Variants in IGSF10 observed in about 807,000 individuals in gnomAD.
IGSF10 encodes calvaria mechanical force protein 608.
In IGSF10, 126 loss-of-function variants were observed where a neutral mutation model predicts 128.2. That is an observed-to-expected ratio of 0.98 (90% CI 0.85 to 1.14). The LOEUF (loss-of-function observed/expected upper bound fraction) is 1.14, where lower values mean the gene tolerates loss of function less well. IGSF10 is among the 50% of genes most tolerant of loss of function. The pLI, the probability that IGSF10 is intolerant of heterozygous loss-of-function variation, is 0.00. For missense variants in IGSF10, 3,295 were observed against 3,149.8 expected, an observed-to-expected ratio of 1.05 and a Z score of -1.10; for synonymous variants, 1,185 against 1,146.2, an observed-to-expected ratio of 1.03 and a Z score of -0.68.
chr3:151,546,489 A>G, the IGSF10 span, among the ~76,000 whole-genome samples: 1 of 150,368 alleles, frequency 6.7e-6, no homozygotes, highest in Admixed American at 6.6e-5. Context: ...CTGGGAGTAC[A>G]GGTGTCCACA....
the IGSF10 span, among the ~76,000 whole-genome samples, chr3:151,499,097 G>A: frequency 1.3e-5 from 2 of 152,098 alleles, no homozygotes; most frequent in Non-Finnish European, 2.9e-5. Context: ...CACATCTGCA[G>A]ATAATTAAAC....
chr3:151,441,864 A>G (rs1463479326), intron 7 of IGSF10, among the ~76,000 whole-genome samples: 2 of 152,194 alleles, frequency 1.3e-5, no homozygotes, highest in African/African-American at 4.8e-5. Flanking sequence ...GATCAAGACC[A>G]TCCTGGCTAA....
the IGSF10 span, among the ~76,000 whole-genome samples, chr3:151,561,160 C>T: frequency 1.3e-5 from 2 of 152,114 alleles, no homozygotes; most frequent in African/African-American, 2.4e-5. Context: ...TAATGACAGC[C>T]TCGAATCAGA....
the IGSF10 span, among the ~76,000 whole-genome samples, chr3:151,604,592 AACACACACACACAC>A: frequency 6.9e-6 from 1 of 144,580 alleles, no homozygotes; most frequent in Non-Finnish European, 1.5e-5. Context: ...GTACCAATAT[AACACACACACACAC>A]ACACACACAC....
intron 5 of IGSF10, among the ~76,000 whole-genome samples, chr3:151,451,578 T>C (rs1349124730): frequency 1.3e-5 from 2 of 152,224 alleles, no homozygotes; most frequent in African/African-American, 4.8e-5. Flanking sequence ...TTTCAACTTA[T>C]AAATTAAGAT....
the IGSF10 span, among the ~76,000 whole-genome samples, chr3:151,511,029 GA>G: frequency 6.6e-6 from 1 of 152,296 alleles, no homozygotes; most frequent in South Asian, 2.1e-4. Context: ...AACCCAGTTG[GA>G]AAACACTCTT....
At chr3:151,585,229 A>T in the IGSF10 span, among the ~76,000 whole-genome samples, 1 of 152,214 alleles carries the variant, frequency 6.6e-6, no homozygotes, top group African/African-American at 2.4e-5. Context: ...TATATTGATT[A>T]TATGTTGAAA....
chr3:151,546,299 C>A, the IGSF10 span, among the ~76,000 whole-genome samples: 8 of 152,076 alleles, frequency 5.3e-5, no homozygotes, highest in African/African-American at 1.9e-4. Context: ...CCACCACCAT[C>A]CCACCAACAA....
At chr3:151,450,635 G>T (rs1045843180) in intron 5 of IGSF10, among the ~76,000 whole-genome samples, 1 of 152,046 alleles carries the variant, frequency 6.6e-6, no homozygotes, top group Non-Finnish European at 1.5e-5. Flanking sequence ...AATCGCTCAC[G>T]CCTGTAACCT....
chr3:151,577,697 CTCTT>C, the IGSF10 span, among the ~76,000 whole-genome samples: 1 of 151,960 alleles, frequency 6.6e-6, no homozygotes, highest in African/African-American at 2.4e-5. Context: ...AGAATCGTAA[CTCTT>C]TCTTTTTTTT....
the IGSF10 span, among the ~76,000 whole-genome samples, chr3:151,487,767 C>A: frequency 4.6e-5 from 7 of 151,910 alleles, no homozygotes; most frequent in Admixed American, 1.3e-4. Context: ...AGTCCTTGGA[C>A]AAAATTCTAC....
chr3:151,432,892 C>A (rs1407804485), downstream of IGSF10: 1 of 963,904 alleles, frequency 1.0e-6, no homozygotes, highest in African/African-American at 1.7e-5. Flanking sequence ...TAAAAATGTC[C>A]CTTTTTTTCA....
At chr3:151,531,651 A>G in the IGSF10 span, among the ~76,000 whole-genome samples, 3 of 152,168 alleles carry the variant, frequency 2.0e-5, no homozygotes, top group Non-Finnish European at 2.9e-5. Context: ...CAAAGACACA[A>G]CATACCAGAA....
chr3:151,530,576 A>G, the IGSF10 span, among the ~76,000 whole-genome samples: 1 of 152,234 alleles, frequency 6.6e-6, no homozygotes, highest in Non-Finnish European at 1.5e-5. Context: ...TTCTTAAAGA[A>G]GAGAATTTCA....
chr3:151,613,455 T>G, the IGSF10 span, among the ~76,000 whole-genome samples: 2 of 151,988 alleles, frequency 1.3e-5, no homozygotes, highest in African/African-American at 2.4e-5. Flanking sequence ...CAAAACAGCA[T>G]GGTACTGGTA....
chr3:151,510,538 A>C, the IGSF10 span, among the ~76,000 whole-genome samples: 1 of 152,144 alleles, frequency 6.6e-6, no homozygotes, highest in Non-Finnish European at 1.5e-5. Flanking sequence ...AAAACTGGAA[A>C]CTCTAAAAAT....
At chr3:151,496,719 G>A in the IGSF10 span, among the ~76,000 whole-genome samples, 3 of 151,712 alleles carry the variant, frequency 2.0e-5, no homozygotes, top group Admixed American at 6.6e-5. Flanking sequence ...GGGTCAAATG[G>A]TATTTCTAGT....
the IGSF10 span, among the ~76,000 whole-genome samples, chr3:151,571,739 C>G: frequency 6.6e-6 from 1 of 152,136 alleles, no homozygotes; most frequent in East Asian, 1.9e-4. Context: ...TTGCCCTGGC[C>G]AGAACTTCCA....
Position 151,448,489 on chromosome 3 carries a change from G to T in IGSF10, c.1492C>A (p.Pro498Thr). ...TGTGGGGTGGGGTCTCCTTGGCCTG[G>T]GCAGTTCAGGCCAACGGTTCCACCT... ...LVGGTVGLNCPGQGDPTPHVD... is the reference protein window; with the variant it reads ...LVGGTVGLNCTGQGDPTPHVD... Residue 498 changes from proline (P) to threonine (T), a missense_variant, in exon 6 of 8, where the codon CCA becomes ACA. Coordinates refer to ENST00000282466, the MANE Select transcript of IGSF10 (RefSeq NM_178822.5). The T allele has an allele frequency of 6.2e-7, 1 of 1,614,082 alleles. No homozygotes were observed. The highest frequency in any genetic ancestry group is 8.5e-7 in the Non-Finnish European group (1 of 1,179,976).
Sources: allele counts gnomAD v4.1 joint callset (sites outside exome capture counted in the v4.1 genomes callset), GRCh38; gene constraint gnomAD v4.1.1; transcripts MANE v1.5; gene names NCBI Gene and HGNC (gene_info 2026-07-23, HGNC 2026-07-21).